DGKD: variants seen among roughly 807,000 people sequenced by gnomAD.
DGKD encodes the protein diacylglycerol kinase delta.
A neutral mutation model predicts 154.4 loss-of-function variants in DGKD; 68 were observed. The observed-to-expected ratio is 0.44, with a 90% CI of 0.36 to 0.54. The LOEUF is 0.54. Ranked by LOEUF, DGKD falls within the 20% of genes least tolerant of loss-of-function variation. The probability of loss-of-function intolerance (pLI) is 0.00; values close to 1 mark genes in which losing one functional copy is unlikely to be tolerated. For synonymous variants in DGKD, 693 were observed against 638.0 expected (o/e 1.09, Z -1.30); for missense variants, 1,343 against 1,593.6 (o/e 0.84, Z 2.68).
intron 27 of DGKD, among the ~76,000 whole-genome samples, chr2:233,465,917 A>G (rs1575181245): frequency 1.3e-5 from 2 of 152,268 alleles, no homozygotes; most frequent in South Asian, 2.1e-4. Flanking sequence ...AAAAAATCCA[A>G]AGTAACAATA....
At chr2:233,450,831 C>A in intron 16 of DGKD, 91 bp from the exon 17 acceptor site, 1 of 1,510,622 alleles carries the variant, frequency 6.6e-7, no homozygotes, top group Non-Finnish European at 9.0e-7. Flanking sequence ...CCCTCCTCAG[C>A]CCTCCCACCT....
chr2:233,464,506 G>A (rs1473282663), intron 27 of DGKD, among the ~76,000 whole-genome samples: 1 of 152,216 alleles, frequency 6.6e-6, no homozygotes, highest in Admixed American at 6.5e-5. Flanking sequence ...GCCCCTTGAG[G>A]ACCAGGGACC....
chr2:233,444,170 C>T (rs1465660571), intron 10 of DGKD, among the ~76,000 whole-genome samples: 1 of 152,138 alleles, frequency 6.6e-6, no homozygotes, highest in Non-Finnish European at 1.5e-5. Context: ...ACGTTCAGCC[C>T]CCACCCTGCG....
At chr2:233,420,997 G>A (rs1052472913) in intron 3 of DGKD, among the ~76,000 whole-genome samples, 3 of 152,090 alleles carry the variant, frequency 2.0e-5, no homozygotes, top group African/African-American at 7.2e-5. Flanking sequence ...ACTGGTGATC[G>A]TCAAATTACC....
In DGKD at chr2:233,467,102, T is replaced by G; in HGVS notation, c.3323T>G (p.Leu1108Arg). The change falls in exon 28 of 30, where the codon CTT becomes CGT. Residue 1108 changes from leucine to arginine, a missense_variant. By Grantham distance (102) the Leu-to-Arg change is moderately radical. Transcript: ENST00000264057. ...PGDEESVMLDLAKRSRSGKFR... is the reference protein window; with the variant it reads ...PGDEESVMLDRAKRSRSGKFR... ...CCCCAACAGAGTGTGATGCTGGATC[T>G]TGCCAAGCGCAGTCGCAGTGGTAAA... is the stretch of plus-strand genomic sequence containing the variant. 3.1e-6 allele frequency: 5 copies of G among 1,614,090 alleles called. No individual in the cohort carries two copies. The highest frequency in any genetic ancestry group is 4.2e-6 in the Non-Finnish European group (5 of 1,179,892).
At chr2:233,364,038 C>T (rs1701914051) in intron 1 of DGKD, among the ~76,000 whole-genome samples, 1 of 152,132 alleles carries the variant, frequency 6.6e-6, no homozygotes, top group African/African-American at 2.4e-5. Flanking sequence ...TGCAGTGAGT[C>T]GAGATCACAC....
chr2:233,402,136 C>T (rs144415684), intron 3 of DGKD, among the ~76,000 whole-genome samples: 8 of 152,126 alleles, frequency 5.3e-5, no homozygotes, highest in East Asian at 1.9e-4. Context: ...TTCTCCCCAC[C>T]GACCCTGTCC....
chr2:233,455,189 C>G (rs1333339828), intron 19 of DGKD, among the ~76,000 whole-genome samples: 1 of 152,162 alleles, frequency 6.6e-6, no homozygotes, highest in East Asian at 1.9e-4. Context: ...TGCCAAGAAG[C>G]TATTGCACCT....
At position 233,354,529 on chromosome 2, in the gene DGKD, C is replaced by T. The variant is rs955362435; in HGVS notation, c.11C>T (p.Ala4Val). The T allele has an allele frequency of 5.2e-5, 51 of 988,406 alleles. No individual in the cohort carries two copies. The highest frequency in any genetic ancestry group is 6.0e-5 in the Non-Finnish European group (50 of 833,818). 61.2% of individuals were successfully genotyped at this position (988,406 alleles called of 1,614,324 possible). Residue 4 changes from alanine (A) to valine (V), a missense_variant, in exon 1 of 30, where the codon GCG becomes GTG. Ala to Val is a moderately conservative substitution (Grantham distance 64). Coordinates refer to ENST00000264057, the MANE Select transcript of DGKD (RefSeq NM_152879.3). The surrounding 1 kb of genome is among the most constrained non-coding windows in gnomAD (Gnocchi z 4.8). MAA[A>V]AGAPPPGPPQ... ...CGCTGGCCCGGCAGCATGGCGGCGG[C>T]GGCGGGCGCCCCTCCGCCGGGTCCC...
intron 28 of DGKD, among the ~76,000 whole-genome samples, chr2:233,468,069 C>T (rs564854672): frequency 6.6e-6 from 1 of 152,116 alleles, no homozygotes; most frequent in South Asian, 2.1e-4. Flanking sequence ...TGGCGGCCCA[C>T]CTGGCAGGAA....
chr2:233,462,921 G>A (rs1258565165), intron 26 of DGKD, among the ~76,000 whole-genome samples, 186 bp downstream of exon 26: 1 of 152,224 alleles, frequency 6.6e-6, no homozygotes, highest in Non-Finnish European at 1.5e-5. Flanking sequence ...CCTCAGTCAG[G>A]TTGTCTCAAG....
chr2:233,450,233 G>A, intron 16 of DGKD, 102 bp downstream of exon 16: 1 of 1,390,888 alleles, frequency 7.2e-7, no homozygotes, highest in Non-Finnish European at 9.5e-7. Flanking sequence ...TCTCATAGTT[G>A]CTTTGGCCAC....
chr2:233,363,545 G>C (rs1178535503), intron 1 of DGKD, among the ~76,000 whole-genome samples: 1 of 152,130 alleles, frequency 6.6e-6, no homozygotes, highest in Non-Finnish European at 1.5e-5. Flanking sequence ...AATAAATGTA[G>C]TATAGCCTAA....
At chr2:233,401,700 A>C (rs937821714) in intron 3 of DGKD, among the ~76,000 whole-genome samples, 3 of 151,968 alleles carry the variant, frequency 2.0e-5, no homozygotes, top group African/African-American at 7.3e-5. Flanking sequence ...GCGGTGGTTC[A>C]ACTGAGGACA....
intron 9 of DGKD, among the ~76,000 whole-genome samples, chr2:233,439,141 G>A (rs2062808511): frequency 6.6e-6 from 1 of 152,242 alleles, no homozygotes; most frequent in Non-Finnish European, 1.5e-5. Context: ...TCCTCTGGAA[G>A]CATCAGTTCC....
intron 18 of DGKD, chr2:233,454,327 A>G: frequency 4.3e-6 from 2 of 463,062 alleles, no homozygotes; most frequent in Non-Finnish European, 8.9e-6. Flanking sequence ...TATAACATGG[A>G]TGAACTTTGA....
intron 11 of DGKD, 44 bp from the exon 12 acceptor site, chr2:233,446,668 G>A: frequency 6.3e-7 from 1 of 1,594,152 alleles, no homozygotes; most frequent in Non-Finnish European, 8.6e-7. Flanking sequence ...ACCCTTGTGG[G>A]CCTGCACGTC....
intron 10 of DGKD, chr2:233,442,696 C>A (rs963926529): frequency 6.4e-6 from 1 of 156,554 alleles, no homozygotes; most frequent in Non-Finnish European, 1.4e-5. Context: ...ACCTCTGCCT[C>A]CCCGGTTCAA....
intron 26 of DGKD, among the ~76,000 whole-genome samples, chr2:233,463,293 GCATCACCTCACTCCACA>G (rs1285202764): frequency 1.7e-4 from 25 of 151,250 alleles, no homozygotes; most frequent in East Asian, 1.2e-3. Flanking sequence ...CTCACTGCAC[GCATCACCTCACTCCACA>G]CATCACCTCA....
Sources: gnomAD v4.1 joint callset for allele counts (sites outside exome capture counted in the v4.1 genomes callset) on GRCh38, gnomAD v4.1.1 for gene constraint, Gnocchi (gnomAD v3.1) non-coding constraint, MANE v1.5 for transcripts, NCBI Gene and HGNC (gene_info 2026-07-23, HGNC 2026-07-21) for gene names.